The following NRL variants were observed in gnomAD, a reference collection of about 807,000 sequenced individuals.
NRL encodes the protein neural retina leucine zipper, also known as neural retina-specific leucine zipper protein.
A neutral mutation model predicts 12.5 loss-of-function variants in NRL; 16 were observed. That is an observed-to-expected ratio of 1.28 (90% CI 0.87 to 1.95). The LOEUF (loss-of-function observed/expected upper bound fraction) is 1.95. Among genes scored for constraint, NRL ranks in the 30% most tolerant of loss-of-function variants. The pLI, the probability that NRL is intolerant of heterozygous loss-of-function variation, is 0.00. For missense variants in NRL, 314 were observed against 325.8 expected (o/e 0.96, Z 0.28); for synonymous variants, 142 against 150.9 (o/e 0.94, Z 0.43).
At chr14:24,100,038 T>A in intron 1 of NRL, 1 of 1,614,060 alleles carries the variant, frequency 6.2e-7, no homozygotes, top group Middle Eastern at 1.6e-4. Context: ...TCTTTGGGGT[T>A]GCCCCTGGTA....
At chr14:24,099,660 C>G in intron 1 of NRL, 1 of 1,613,980 alleles carries the variant, frequency 6.2e-7, no homozygotes, top group Non-Finnish European at 8.5e-7. Context: ...GCCTGCACTG[C>G]CAGGCTGGAA....
At chr14:24,100,098 T>G (rs2037097781) in intron 1 of NRL, 2 of 1,612,496 alleles carry the variant, frequency 1.2e-6, no homozygotes, top group Non-Finnish European at 1.7e-6. Context: ...AGAGTAACAC[T>G]ATTTTTACCA....
intron 1 of NRL, among the ~76,000 whole-genome samples, chr14:24,086,631 A>C (rs1415497165): frequency 6.6e-6 from 1 of 152,208 alleles, no homozygotes; most frequent in Non-Finnish European, 1.5e-5. Context: ...CTGGTTGAAG[A>C]AGGAATGGGA....
Position 24,081,780 on chromosome 14 carries a change from C to A in NRL, c.382-212G>T. The A allele has an allele frequency of 6.6e-7, 1 of 1,517,786 alleles. No individual in the cohort carries two copies. 94.0% of individuals were successfully genotyped at this position (1,517,786 alleles called of 1,614,324 possible). A position where few individuals can be genotyped will look rare whatever the true frequency, so the allele number is the denominator to read the frequency against. ...CCCCCCAGCTGACCGTTGCTCCAGT[C>A]AGGCGGGCGCCCCACGGTGCAGGGC... On this transcript the variant is annotated intron_variant, in intron 2 of 2. Transcript: ENST00000561028. This position sits in a 1 kb window ranked among gnomAD's most constrained non-coding sequence, Gnocchi z 4.4.
At chr14:24,104,149 T>G (rs1301855906) in intron 1 of NRL, 3 of 594,252 alleles carry the variant, frequency 5.0e-6, no homozygotes, top group Non-Finnish European at 9.0e-6. Context: ...CTGTTTTCAT[T>G]TCCCACCTAT....
chr14:24,081,385 C>T lies in NRL; in HGVS notation c.565G>A (p.Ala189Thr). Residue 189 changes from alanine to threonine, a missense_variant, in exon 3 of 3, where the codon GCC becomes ACC. By Grantham distance (58) the Ala-to-Thr change is moderately conservative. Coordinates refer to ENST00000561028, the MANE Select transcript of NRL (RefSeq NM_001354768.3). This position sits in a 1 kb window ranked among gnomAD's most constrained non-coding sequence, Gnocchi z 4.4. ...KRLQQRRGLEAERARLAAQLD... is the reference protein window; with the variant it reads ...KRLQQRRGLETERARLAAQLD... ...TGGGCGGCCAGGCGGGCGCGCTCGG[C>T]CTCCAGCCCGCGCCGCTGCTGCAGC... 1.4e-6 allele frequency: 2 copies of T among 1,463,946 alleles called. No individual in the cohort carries two copies. Among genetic ancestry groups the T allele is most frequent in the Non-Finnish European group, 9.0e-7 (1 of 1,110,596 alleles). The allele number at this position is 1,463,946 out of a possible 1,614,324, so 90.7% of individuals were successfully genotyped here.
At chr14:24,098,171 C>T (rs763944930) in intron 1 of NRL, 1 of 1,561,030 alleles carries the variant, frequency 6.4e-7, no homozygotes, top group South Asian at 1.2e-5. Context: ...ACCTGCTGGC[C>T]ACCATCTTCC....
intron 1 of NRL, among the ~76,000 whole-genome samples, chr14:24,108,492 T>C (rs1346302099): frequency 6.6e-6 from 1 of 151,430 alleles, no homozygotes; most frequent in East Asian, 1.9e-4. Context: ...CCACCACACC[T>C]GGCTAATTTT....
intron 1 of NRL, among the ~76,000 whole-genome samples, chr14:24,100,916 G>A (rs995848733): frequency 1.3e-5 from 2 of 152,162 alleles, no homozygotes; most frequent in Admixed American, 6.5e-5. Context: ...CCTCAGCCCT[G>A]CACTCTGGAC....
At chr14:24,095,987 G>A (rs567748899) in intron 1 of NRL, among the ~76,000 whole-genome samples, 1 of 152,302 alleles carries the variant, frequency 6.6e-6, no homozygotes, top group South Asian at 2.1e-4. Context: ...TATTCTCTGT[G>A]CAAGAGCCCT....
intron 1 of NRL, chr14:24,084,679 G>A: frequency 1.0e-6 from 1 of 985,488 alleles, no homozygotes; most frequent in Non-Finnish European, 1.2e-6. Context: ...CCAGCTCTCT[G>A]AGGTCATCTG....
intron 1 of NRL, chr14:24,098,069 G>A: frequency 4.2e-6 from 3 of 710,380 alleles, no homozygotes; most frequent in South Asian, 3.9e-5. Flanking sequence ...TGGAGGAAGG[G>A]ACTGAGATGT....
intron 1 of NRL, chr14:24,103,096 A>T: frequency 7.3e-7 from 1 of 1,361,448 alleles, no homozygotes. Context: ...CAAGCTCACC[A>T]GAAGGGCTGG....
At position 24,081,395 on chromosome 14, in the gene NRL, G is replaced by A; in HGVS notation, c.555C>T (p.Arg185=). Residue 185 remains arginine, a synonymous_variant, in exon 3 of 3, where the codon CGC becomes CGT. Coordinates refer to ENST00000561028, the MANE Select transcript of NRL (RefSeq NM_001354768.3). The surrounding 1 kb of genome is among the most constrained non-coding windows in gnomAD (Gnocchi z 4.4). ...ACRSKRLQQR[R]GLEAERARLA... is the part of the protein sequence containing the mutation. ...GGCGGGCGCGCTCGGCCTCCAGCCCGCGCCGCTGCTGCAGCCGCTTGGAGC... is the reference window on the plus strand; with the variant it reads ...GGCGGGCGCGCTCGGCCTCCAGCCCACGCCGCTGCTGCAGCCGCTTGGAGC... 6.8e-7 allele frequency: 1 copy of A among 1,478,916 alleles called. No individual in the cohort carries two copies. The highest frequency in any genetic ancestry group is 9.0e-7 in the Non-Finnish European group (1 of 1,117,258). 91.6% of individuals were successfully genotyped at this position (1,478,916 alleles called of 1,614,324 possible).
chr14:24,105,340 C>A (rs1445159055), intron 1 of NRL, among the ~76,000 whole-genome samples: 1 of 152,262 alleles, frequency 6.6e-6, no homozygotes, highest in South Asian at 2.1e-4. Flanking sequence ...CCATCACAAA[C>A]ATGTCACAGT....
chr14:24,104,082 TC>T (rs1457792350), intron 1 of NRL: 7 of 681,714 alleles, frequency 1.0e-5, no homozygotes, highest in Non-Finnish European at 1.8e-5. Context: ...CCATAGACCT[TC>T]CCACAAAGAC....
Position 24,081,649 on chromosome 14 carries a change from C to G in NRL, c.382-81G>C, listed in dbSNP as rs1275963166. On this transcript the variant is annotated intron_variant, in intron 2 of 2. Transcript: ENST00000561028. The surrounding 1 kb of genome is among the most constrained non-coding windows in gnomAD (Gnocchi z 4.4). The stretch of plus-strand genomic sequence containing the variant: ...CTGAGGGCCCGACGCTACCTGGCTC[C>G]GCCCCGGGACAGCCCCGCCCCGGCT... The G allele has an allele frequency of 5.2e-6, 8 of 1,536,216 alleles. No individual in the cohort carries two copies. The highest frequency in any genetic ancestry group is 1.2e-5 in the South Asian group (1 of 83,532).
At position 24,096,068 on chromosome 14, in the gene NRL, C is replaced by G. The variant is rs542462611; in HGVS notation, c.-27-13193G>C. 2.7e-4 allele frequency among the ~76,000 whole-genome samples: 41 copies of G among 151,966 alleles called. 1 individual carries two copies. The South Asian group carries it at 8.3e-3, about 31-fold the overall frequency. On this transcript the variant is annotated intron_variant, in intron 1 of 2. Transcript: ENST00000561028. ...CTTTCATAGTCTTACAGCATACACA[C>G]CAGAAGGAAAGAATAAACACAGCTG...
At chr14:24,106,919 TAC>T (rs150421826) in intron 1 of NRL, among the ~76,000 whole-genome samples, 3,052 of 152,206 alleles carry the variant, frequency 0.02, 97 homozygotes, top group African/African-American at 0.07. Flanking sequence ...GCCTACACTT[TAC>T]AGTCTTGTTG....
Sources: gnomAD v4.1 joint callset for allele counts (sites outside exome capture counted in the v4.1 genomes callset) on GRCh38, gnomAD v4.1.1 for gene constraint, Gnocchi (gnomAD v3.1) non-coding constraint, MANE v1.5 for transcripts, NCBI Gene and HGNC (gene_info 2026-07-23, HGNC 2026-07-21) for gene names.